Variants in GRIA3 observed in about 807,000 individuals in gnomAD.
GRIA3 encodes glutamate ionotropic receptor AMPA type subunit 3.
In GRIA3, 3 loss-of-function variants were observed where a neutral mutation model predicts 63.0. The observed-to-expected ratio is 0.05, with a 90% CI of 0.02 to 0.12. The LOEUF is 0.12. Ranked by LOEUF, GRIA3 falls within the 10% of genes least tolerant of loss-of-function variation. GRIA3 has a pLI of 1.00. For synonymous variants in GRIA3, 274 were observed against 257.9 expected (o/e 1.06, Z -0.60); for missense variants, 347 against 700.9 (o/e 0.50, Z 5.70).
intron 3 of GRIA3, among the ~76,000 whole-genome samples, chrX:123,291,585 GA>G (rs1240425352): frequency 9.0e-6 from 1 of 110,919 alleles, no homozygotes; most frequent in Non-Finnish European, 1.9e-5. Flanking sequence ...AAAAAGAAAA[GA>G]AAAAAAGTAC....
intron 4 of GRIA3, among the ~76,000 whole-genome samples, chrX:123,345,486 A>ACACACACACC (rs940374246): frequency 9.3e-6 from 1 of 107,365 alleles, no homozygotes; most frequent in African/African-American, 3.4e-5. Flanking sequence ...ACACACACAC[A>ACACACACACC]CACACACACC....
chrX:123,246,963 C>T (rs1187544630), intron 2 of GRIA3, among the ~76,000 whole-genome samples: 1 of 110,557 alleles, frequency 9.0e-6, no homozygotes, highest in African/African-American at 3.3e-5. Context: ...TTTCCTTACA[C>T]TGGTAACTCC....
At chrX:123,289,771 C>T (rs1422048906) in intron 3 of GRIA3, among the ~76,000 whole-genome samples, 1 of 110,126 alleles carries the variant, frequency 9.1e-6, no homozygotes, top group Non-Finnish European at 1.9e-5. Context: ...CCACCCTCCA[C>T]CCCCCCAACC....
chrX:123,294,544 C>T (rs764591670), intron 3 of GRIA3, among the ~76,000 whole-genome samples: 8 of 111,242 alleles, frequency 7.2e-5, no homozygotes, highest in Non-Finnish European at 1.1e-4. Flanking sequence ...AGCCTTGACT[C>T]TCCAGTGAGG....
intron 14 of GRIA3, among the ~76,000 whole-genome samples, chrX:123,481,246 T>C (rs868370763): frequency 8.9e-6 from 1 of 112,108 alleles, no homozygotes; most frequent in Admixed American, 9.5e-5. Flanking sequence ...CTGTGGAACA[T>C]CCTTGCAGAT....
chrX:123,286,446 C>T (rs1471695429), intron 3 of GRIA3, among the ~76,000 whole-genome samples: 2 of 111,481 alleles, frequency 1.8e-5, no homozygotes, highest in South Asian at 3.7e-4. Context: ...GATAGAGACA[C>T]GAAAAACCCT....
At chrX:123,407,691 C>CGGGGGGGGGGG (rs1214936362) in intron 10 of GRIA3, among the ~76,000 whole-genome samples, 11 of 2,044 alleles carry the variant, frequency 5.4e-3, no homozygotes, top group East Asian at 0.013. Flanking sequence ...GACTTGGTTG[C>CGGGGGGGGGGG]GGGGGGGGGG....
chrX:123,219,721 G>A (rs1006494402), intron 2 of GRIA3, among the ~76,000 whole-genome samples: 5 of 112,049 alleles, frequency 4.5e-5, no homozygotes, highest in Non-Finnish European at 9.4e-5. Flanking sequence ...ACACAGCAAA[G>A]GGCCTCCGGG....
intron 2 of GRIA3, among the ~76,000 whole-genome samples, chrX:123,213,239 T>G (rs1928082539): frequency 8.9e-6 from 1 of 112,405 alleles, no homozygotes; most frequent in Non-Finnish European, 1.9e-5. Flanking sequence ...ACTGCTGGTC[T>G]ACAGGATCTT....
chrX:123,349,865 T>C (rs1876754222), intron 4 of GRIA3, among the ~76,000 whole-genome samples: 1 of 112,404 alleles, frequency 8.9e-6, no homozygotes, highest in Admixed American at 9.4e-5. Context: ...GGGGGTTTTA[T>C]TCATGAAGAT....
rs910951508 is a variant in GRIA3, at chrX:123,309,111, G to A, written c.509-16915G>A. ...TTAAACATAGATTTTCAGGCCAGGC[G>A]CAGTGGCTCATACCTGTAATCCCAA... On this transcript the variant is annotated intron_variant, in intron 3 of 15. Transcript: ENST00000620443. Among the ~76,000 whole-genome samples the A allele has an allele frequency of 7.2e-5, 8 of 111,857 alleles. No individual in the cohort carries two copies. In the East Asian group the frequency reaches 8.4e-4, roughly 12 times the overall value.
chrX:123,410,351 C>T (rs2045498341), intron 10 of GRIA3, among the ~76,000 whole-genome samples: 1 of 111,851 alleles, frequency 8.9e-6, no homozygotes, highest in South Asian at 3.8e-4. Context: ...TTGGGAAAGG[C>T]TTGACAAGCT....
At chrX:123,477,571 G>A (rs766754704) in intron 13 of GRIA3, among the ~76,000 whole-genome samples, 20 of 111,126 alleles carry the variant, frequency 1.8e-4, no homozygotes, top group Middle Eastern at 4.2e-3. Context: ...ATAGTGAGAA[G>A]GGCACTTAGC....
intron 2 of GRIA3, among the ~76,000 whole-genome samples, chrX:123,228,568 T>G (rs994567838): frequency 2.7e-5 from 3 of 111,637 alleles, no homozygotes; most frequent in Admixed American, 9.5e-5. Context: ...TGAATATTTT[T>G]TATAGAAAGA....
intron 11 of GRIA3, among the ~76,000 whole-genome samples, chrX:123,421,731 T>G (rs896119989): frequency 6.2e-5 from 7 of 112,112 alleles, no homozygotes; most frequent in South Asian, 3.7e-4. Flanking sequence ...GCTCCCACTG[T>G]GTATAGGCAC....
chrX:123,384,083 AT>A (rs1489539157), intron 5 of GRIA3, among the ~76,000 whole-genome samples: 3 of 111,570 alleles, frequency 2.7e-5, no homozygotes, highest in African/African-American at 6.5e-5. Context: ...TATGTAGCAC[AT>A]TTTTTTTATC....
At chrX:123,485,641 A>G (rs1486697172) in intron 15 of GRIA3, among the ~76,000 whole-genome samples, 1 of 111,500 alleles carries the variant, frequency 9.0e-6, no homozygotes, top group Non-Finnish European at 1.9e-5. Flanking sequence ...TGCACTCCAC[A>G]CAAGATTGAA....
intron 3 of GRIA3, among the ~76,000 whole-genome samples, chrX:123,262,007 C>A (rs1406242308): frequency 9.0e-6 from 1 of 111,412 alleles, no homozygotes; most frequent in East Asian, 2.8e-4. Context: ...TTAATTAACC[C>A]ATTAAGGGTT....
At chrX:123,453,679 C>T (rs2045747003) in intron 12 of GRIA3, among the ~76,000 whole-genome samples, 1 of 110,993 alleles carries the variant, frequency 9.0e-6, no homozygotes, top group Admixed American at 9.5e-5. Flanking sequence ...ATTAATGTGT[C>T]CACCATTAGG....
Sources: gnomAD v4.1 joint callset for allele counts (sites outside exome capture counted in the v4.1 genomes callset) on GRCh38, gnomAD v4.1.1 for gene constraint, MANE v1.5 for transcripts, NCBI Gene and HGNC (gene_info 2026-07-23, HGNC 2026-07-21) for gene names.